Variants in PCDH9 observed in about 807,000 individuals in gnomAD.
The protein encoded by PCDH9 is protocadherin 9.
PCDH9 carries 24 observed loss-of-function variants against 70.6 expected under a neutral mutation model. The observed-to-expected ratio is 0.34, with a 90% CI of 0.25 to 0.48. PCDH9 has a LOEUF of 0.48. Among genes scored for constraint, PCDH9 ranks in the 20% least tolerant of loss-of-function variants. The pLI is 0.99. For missense variants in PCDH9, 1,281 were observed against 1,503.6 expected (o/e 0.85, Z 2.45); for synonymous variants, 562 against 558.5 (o/e 1.01, Z -0.09).
chr13:66,868,946 T>C (rs1285320361), intron 3 of PCDH9, among the ~76,000 whole-genome samples: 1 of 152,182 alleles, frequency 6.6e-6, no homozygotes, highest in East Asian at 1.9e-4. Context: ...GAACTGTATA[T>C]AATAATGTAA....
intron 3 of PCDH9, among the ~76,000 whole-genome samples, chr13:66,798,332 G>T (rs769974058): frequency 6.6e-6 from 1 of 151,898 alleles, no homozygotes; most frequent in African/African-American, 2.4e-5. Context: ...TGATTTTCTT[G>T]ATCCAAATGC....
intron 4 of PCDH9, among the ~76,000 whole-genome samples, chr13:66,442,566 T>A (rs1476188849): frequency 6.6e-6 from 1 of 151,766 alleles, no homozygotes; most frequent in African/African-American, 2.4e-5. Flanking sequence ...ATTAAGTTGA[T>A]ATATATATAT....
chr13:67,192,812 G>A (rs963278456), intron 2 of PCDH9, among the ~76,000 whole-genome samples: 12 of 152,196 alleles, frequency 7.9e-5, no homozygotes, highest in South Asian at 4.1e-4. Flanking sequence ...GAAACCACTC[G>A]ATTTAAATAC....
chr13:66,781,410 A>T (rs1186580638), intron 3 of PCDH9, among the ~76,000 whole-genome samples: 1 of 152,204 alleles, frequency 6.6e-6, no homozygotes, highest in Non-Finnish European at 1.5e-5. Context: ...GCTATGCTGC[A>T]CAGATGGAAG....
intron 4 of PCDH9, among the ~76,000 whole-genome samples, chr13:66,312,022 A>G (rs1955569909): frequency 6.6e-6 from 1 of 152,198 alleles, no homozygotes; most frequent in Non-Finnish European, 1.5e-5. Flanking sequence ...TGTATAGAAT[A>G]TCTAAAATCA....
At chr13:66,501,585 T>C (rs1240531344) in intron 4 of PCDH9, among the ~76,000 whole-genome samples, 3 of 152,114 alleles carry the variant, frequency 2.0e-5, no homozygotes, top group African/African-American at 7.2e-5. Context: ...CAGGTTTATA[T>C]GTTTAAGCAG....
At chr13:66,966,280 G>A (rs949608105) in intron 2 of PCDH9, among the ~76,000 whole-genome samples, 15 of 152,048 alleles carry the variant, frequency 9.9e-5, no homozygotes, top group Non-Finnish European at 1.5e-4. Context: ...TGTTGTTTAA[G>A]TTGTTTCAAG....
At chr13:66,760,386 C>T (rs951904900) in intron 3 of PCDH9, among the ~76,000 whole-genome samples, 8 of 151,936 alleles carry the variant, frequency 5.3e-5, no homozygotes, top group African/African-American at 1.7e-4. Flanking sequence ...AGTCAGGGAC[C>T]CCAAACAGAG....
chr13:66,766,143 A>G (rs1188447558), intron 3 of PCDH9, among the ~76,000 whole-genome samples: 3 of 152,026 alleles, frequency 2.0e-5, no homozygotes, highest in African/African-American at 7.3e-5. Context: ...ATCTATATAC[A>G]TGAATATGTA....
At chr13:66,670,287 T>G (rs765113481) in intron 3 of PCDH9, among the ~76,000 whole-genome samples, 1 of 152,196 alleles carries the variant, frequency 6.6e-6, no homozygotes, top group Non-Finnish European at 1.5e-5. Flanking sequence ...AGCTTTAAAA[T>G]AACCTAAGTG....
intron 4 of PCDH9, among the ~76,000 whole-genome samples, chr13:66,582,082 C>A (rs544610541): frequency 6.8e-4 from 103 of 152,110 alleles, no homozygotes; most frequent in South Asian, 1.0e-3. Flanking sequence ...TCATTACACA[C>A]CTAACCTATC....
intron 4 of PCDH9, among the ~76,000 whole-genome samples, chr13:66,444,117 G>C (rs1958025731): frequency 6.6e-6 from 1 of 152,142 alleles, no homozygotes; most frequent in Admixed American, 6.6e-5. Flanking sequence ...GCCCCACGGA[G>C]ACTAAGCCAT....
chr13:66,878,429 G>T (rs1026129367), intron 3 of PCDH9, among the ~76,000 whole-genome samples: 1 of 152,018 alleles, frequency 6.6e-6, no homozygotes, highest in African/African-American at 2.4e-5. Flanking sequence ...GTTTCACCTC[G>T]TTGGCCAGGC....
intron 2 of PCDH9, among the ~76,000 whole-genome samples, chr13:67,152,485 T>C (rs546348599): frequency 2.0e-5 from 3 of 152,328 alleles, no homozygotes; most frequent in Admixed American, 6.5e-5. Context: ...TCAGTTAAAA[T>C]CAGCATATCT....
At chr13:66,573,255 C>T (rs1412941858) in intron 4 of PCDH9, among the ~76,000 whole-genome samples, 1 of 142,126 alleles carries the variant, frequency 7.0e-6, no homozygotes, top group African/African-American at 2.6e-5. Flanking sequence ...CTATTTGGAT[C>T]ATTTACCTAC....
intron 4 of PCDH9, among the ~76,000 whole-genome samples, chr13:66,413,733 C>T (rs983458120): frequency 6.6e-6 from 1 of 151,602 alleles, no homozygotes; most frequent in Non-Finnish European, 1.5e-5. Flanking sequence ...AAAAAGGACC[C>T]TCAAACTTTT....
At chr13:66,391,199 T>C (rs1462471051) in intron 4 of PCDH9, among the ~76,000 whole-genome samples, 1 of 152,154 alleles carries the variant, frequency 6.6e-6, no homozygotes, top group Non-Finnish European at 1.5e-5. Context: ...GAAAATAACG[T>C]CCAATAGTAA....
intron 3 of PCDH9, chr13:66,880,320 C>T (rs756442963): frequency 4.6e-5 from 7 of 152,056 alleles, no homozygotes; most frequent in Non-Finnish European, 5.9e-5. Flanking sequence ...GTACAATCAT[C>T]CTATGAAGTT....
At chr13:66,916,474 AAT>A (rs2082559018) in intron 2 of PCDH9, among the ~76,000 whole-genome samples, 1 of 151,594 alleles carries the variant, frequency 6.6e-6, no homozygotes, top group Non-Finnish European at 1.5e-5. Context: ...TTTAAGTCAA[AAT>A]ATCTCTTCAG....
Sources: gnomAD v4.1 joint callset for allele counts (sites outside exome capture counted in the v4.1 genomes callset) on GRCh38, gnomAD v4.1.1 for gene constraint, MANE v1.5 for transcripts, NCBI Gene and HGNC (gene_info 2026-07-23, HGNC 2026-07-21) for gene names.